Variants in FBXL13 observed in about 807,000 individuals in gnomAD.
The protein encoded by FBXL13 is F-box and leucine-rich repeat protein 13.
A neutral mutation model predicts 83.6 loss-of-function variants in FBXL13; 67 were observed. The ratio of observed to expected loss-of-function variants is 0.80; its 90% CI spans 0.66 to 0.98. The LOEUF (loss-of-function observed/expected upper bound fraction) is 0.98, where lower values mean the gene tolerates loss of function less well. Among genes scored for constraint, FBXL13 ranks in the 50% least tolerant of loss-of-function variants. The pLI, the probability that FBXL13 is intolerant of heterozygous loss-of-function variation, is 0.00. For missense variants in FBXL13, 822 were observed against 866.5 expected (o/e 0.95, Z 0.64); for synonymous variants, 272 against 299.5 (o/e 0.91, Z 0.95).
intron 6 of FBXL13, among the ~76,000 whole-genome samples, chr7:102,996,838 GA>G (rs1789845725): frequency 6.6e-6 from 1 of 152,178 alleles, no homozygotes; most frequent in Admixed American, 6.6e-5. Flanking sequence ...TAACAAGATA[GA>G]AAGACTTCAT....
chr7:103,060,063 T>TATA (rs1429819167), intron 1 of FBXL13, among the ~76,000 whole-genome samples: 1 of 115,238 alleles, frequency 8.7e-6, no homozygotes, highest in African/African-American at 3.1e-5. Flanking sequence ...TATATATATA[T>TATA]ACTTTTTTTT....
Position 102,939,292 on chromosome 7 carries a change from TACTA to T in FBXL13, c.725-7363_725-7360del, listed in dbSNP as rs1036196358. Reference sequence around the variant, plus strand: ...TTAGCGTATGCTAAGGCTTGTTTCATACTAACTTTCTTTGGCTTTAGATATCCCT... The same window carrying T: ...TTAGCGTATGCTAAGGCTTGTTTCATACTTTCTTTGGCTTTAGATATCCCT... On this transcript the variant is annotated intron_variant, in intron 8 of 19. Transcript: ENST00000313221. The T allele has an allele frequency of 2.4e-5, 16 of 663,822 alleles. No homozygotes were observed. The Admixed American group carries it at 2.7e-4, about 11-fold the overall frequency. 41.1% of individuals were successfully genotyped at this position (663,822 alleles called of 1,614,324 possible).
At chr7:102,926,474 T>C in intron 9 of FBXL13, 100 bp from the exon 11 acceptor site, 10 of 853,166 alleles carry the variant, frequency 1.2e-5, no homozygotes, top group Non-Finnish European at 1.8e-5. Flanking sequence ...CAGAAAAAAA[T>C]ACATGTAAGA....
At chr7:102,911,088 T>C (rs1312442863) in intron 11 of FBXL13, among the ~76,000 whole-genome samples, 1 of 152,224 alleles carries the variant, frequency 6.6e-6, no homozygotes, top group Non-Finnish European at 1.5e-5. Flanking sequence ...GTTTTTTCTC[T>C]GTAGATAGTT....
At chr7:102,963,415 G>C in intron 8 of FBXL13, 118 bp downstream of exon 9, 1 of 1,165,766 alleles carries the variant, frequency 8.6e-7, no homozygotes, top group East Asian at 2.5e-5. Context: ...GGTTATAATT[G>C]GTATCCTTAT....
chr7:102,952,641 G>T (rs887921647), intron 8 of FBXL13, among the ~76,000 whole-genome samples: 1 of 152,036 alleles, frequency 6.6e-6, no homozygotes, highest in African/African-American at 2.4e-5. Context: ...AGAAACAGAA[G>T]ATCTAAATAG....
chr7:102,966,143 T>G (rs1825945791), intron 7 of FBXL13, among the ~76,000 whole-genome samples: 1 of 152,264 alleles, frequency 6.6e-6, no homozygotes, highest in African/African-American at 2.4e-5. Context: ...GATTTCATCT[T>G]ACCAAACCTA....
intron 17 of FBXL13, among the ~76,000 whole-genome samples, chr7:102,847,936 T>C (rs928370159): frequency 2.0e-5 from 3 of 152,226 alleles, no homozygotes; most frequent in Non-Finnish European, 4.4e-5. Context: ...TTGGGTGTAA[T>C]AAATACATAT....
intron 8 of FBXL13, among the ~76,000 whole-genome samples, chr7:102,960,113 AAT>A (rs1270651033): frequency 6.6e-6 from 1 of 152,126 alleles, no homozygotes; most frequent in East Asian, 1.9e-4. Context: ...TAAAAATAAG[AAT>A]ATGTTTTATA....
chr7:102,861,152 G>C lies in FBXL13; in HGVS notation c.1636-6292C>G, dbSNP rs957597093. On this transcript the variant is annotated intron_variant, in intron 16 of 19. Coordinates refer to ENST00000313221, the Ensembl canonical transcript of FBXL13. ...AACTATGTAGTATTATGCATATATA[G>C]TATAGACATATATAGTATTATGACA... Among the ~76,000 whole-genome samples the C allele has an allele frequency of 3.9e-5, 6 of 152,038 alleles. No individual in the cohort carries two copies. In the South Asian group the frequency reaches 6.2e-4, roughly 16 times the overall value.
In FBXL13 at chr7:102,911,731, A is replaced by G. The variant is rs1814717915; in HGVS notation, c.1008+1355T>C. Among the ~76,000 whole-genome samples the G allele has an allele frequency of 2.0e-5, 3 of 152,380 alleles. No individual in the cohort carries two copies. In the South Asian group the frequency reaches 6.2e-4, roughly 32 times the overall value. On this transcript the variant is annotated intron_variant, in intron 11 of 19. Transcript: ENST00000313221. ...CAAATGCTCTAAGAAACAAGAAAAC[A>G]AGAAGTCAGGGCCTAGAGTCAGTAA...
At chr7:102,985,501 A>G (rs1828833462) in intron 6 of FBXL13, among the ~76,000 whole-genome samples, 1 of 152,234 alleles carries the variant, frequency 6.6e-6, no homozygotes, top group Non-Finnish European at 1.5e-5. Context: ...GAAGATCCCC[A>G]GAAAGGGGGA....
intron 11 of FBXL13, among the ~76,000 whole-genome samples, chr7:102,896,392 T>C (rs1390405989): frequency 6.6e-6 from 1 of 152,232 alleles, no homozygotes; most frequent in Non-Finnish European, 1.5e-5. Flanking sequence ...GTGGTGGCTG[T>C]GGAGATGGTG....
intron 8 of FBXL13, among the ~76,000 whole-genome samples, chr7:102,952,827 T>A (rs967461958): frequency 1.5e-4 from 23 of 151,960 alleles, no homozygotes; most frequent in African/African-American, 5.6e-4. Context: ...CTACTCAAAA[T>A]ACAAAAATTA....
intron 6 of FBXL13, among the ~76,000 whole-genome samples, chr7:103,018,454 G>C (rs1006983976): frequency 6.6e-6 from 1 of 152,102 alleles, no homozygotes; most frequent in Admixed American, 6.5e-5. Flanking sequence ...ATAATGACAG[G>C]ATCAAATTCA....
At chr7:102,823,831 C>T (rs568839851) in intron 18 of FBXL13, among the ~76,000 whole-genome samples, 14 of 152,274 alleles carry the variant, frequency 9.2e-5, no homozygotes, top group Middle Eastern at 3.4e-3. Context: ...ATTGTCTAAA[C>T]ACGCTTTGTT....
exon 13 of FBXL13, chr7:102,883,610 T>C (rs1488345630): frequency 1.9e-6 from 3 of 1,612,258 alleles, no homozygotes; most frequent in Non-Finnish European, 1.7e-6. Flanking sequence ...GAAAGAGCTC[T>C]GAAAGTACAA....
intron 9 of FBXL13, among the ~76,000 whole-genome samples, chr7:102,930,842 G>A (rs1467937775): frequency 6.6e-6 from 1 of 152,140 alleles, no homozygotes; most frequent in Non-Finnish European, 1.5e-5. Flanking sequence ...CTCAATTCTA[G>A]TCAATGTTGT....
At chr7:103,060,051 T>TATATACATATATATATATACAC (rs1563286575) in intron 1 of FBXL13, among the ~76,000 whole-genome samples, 2 of 110,698 alleles carry the variant, frequency 1.8e-5, no homozygotes, top group African/African-American at 8.5e-5. Flanking sequence ...TATATATATA[T>TATATACATATATATATATACAC]ATATATATAT....
Sources: gnomAD v4.1 joint callset for allele counts (sites outside exome capture counted in the v4.1 genomes callset) on GRCh38, gnomAD v4.1.1 for gene constraint, MANE v1.5 for transcripts, NCBI Gene and HGNC (gene_info 2026-07-23, HGNC 2026-07-21) for gene names.